Variants in TRPC7 observed in about 807,000 individuals in gnomAD.
The protein encoded by TRPC7 is short transient receptor potential channel 7.
TRPC7 carries 42 observed loss-of-function variants against 90.1 expected under a neutral mutation model. The ratio of observed to expected loss-of-function variants is 0.47; its 90% CI spans 0.36 to 0.60. The LOEUF is 0.60. Ranked by LOEUF, TRPC7 falls within the 20% of genes least tolerant of loss-of-function variation. The probability of loss-of-function intolerance (pLI) is 0.00; values close to 1 mark genes in which losing one functional copy is unlikely to be tolerated. For synonymous variants in TRPC7, 451 were observed against 436.3 expected (o/e 1.03, Z -0.42); for missense variants, 955 against 1,112.3 (o/e 0.86, Z 2.01).
intron 3 of TRPC7, among the ~76,000 whole-genome samples, chr5:136,295,279 A>G (rs749994604): frequency 1.3e-5 from 2 of 152,144 alleles, no homozygotes; most frequent in African/African-American, 2.4e-5. Context: ...CCTAAAACTT[A>G]AAGTATAATA....
intron 2 of TRPC7, among the ~76,000 whole-genome samples, chr5:136,343,131 AG>A (rs1481280734): frequency 6.6e-6 from 1 of 152,348 alleles, no homozygotes; most frequent in East Asian, 1.9e-4. Context: ...TGAATGGTAA[AG>A]CTAATGAAAG....
At chr5:136,300,124 C>A (rs1758323704) in intron 3 of TRPC7, among the ~76,000 whole-genome samples, 1 of 152,156 alleles carries the variant, frequency 6.6e-6, no homozygotes, top group Admixed American at 6.5e-5. Flanking sequence ...GCAAAACAGG[C>A]AAAAAGCAAT....
intron 3 of TRPC7, among the ~76,000 whole-genome samples, chr5:136,300,591 G>A (rs2149830777): frequency 6.6e-6 from 1 of 152,304 alleles, no homozygotes; most frequent in Middle Eastern, 3.4e-3. Flanking sequence ...CAACTACCGG[G>A]CAACTACCAG....
intron 3 of TRPC7, among the ~76,000 whole-genome samples, chr5:136,291,706 C>A (rs889918398): frequency 2.3e-4 from 35 of 152,138 alleles, no homozygotes; most frequent in Non-Finnish European, 4.9e-4. Flanking sequence ...GACTTTAACA[C>A]CCCACTGTCA....
intron 2 of TRPC7, among the ~76,000 whole-genome samples, chr5:136,318,876 C>G (rs946129614): frequency 6.6e-6 from 1 of 151,978 alleles, no homozygotes; most frequent in Middle Eastern, 3.2e-3. Context: ...GTCACTGTCT[C>G]TCTCCTTGCA....
chr5:136,342,758 G>T (rs1759883407), intron 2 of TRPC7, among the ~76,000 whole-genome samples: 1 of 152,180 alleles, frequency 6.6e-6, no homozygotes, highest in African/African-American at 2.4e-5. Context: ...AGTGAGAAAA[G>T]CAGGATTCCA....
At position 136,213,264 on chromosome 5, in the gene TRPC7, G is replaced by T; in HGVS notation, c.*171C>A. On this transcript the variant is annotated 3_prime_UTR_variant, in exon 12 of 12. Transcript: ENST00000513104. ...TAGATTCACAGCAGTTCTGGGTCTA[G>T]GCAGGCCAGCGGGCTGGAGATGTCA... 1 of 689,038 alleles carries T rather than the reference G, an allele frequency of 1.5e-6. No individual in the cohort carries two copies. The allele number at this position is 689,038 out of a possible 1,614,324, so 42.7% of individuals were successfully genotyped here. A position where few individuals can be genotyped will look rare whatever the true frequency, so the allele number is the denominator to read the frequency against.
chr5:136,307,317 T>C (rs1461655025), intron 3 of TRPC7, among the ~76,000 whole-genome samples: 4 of 152,168 alleles, frequency 2.6e-5, no homozygotes, highest in Admixed American at 6.6e-5. Flanking sequence ...CAGCCCCTGG[T>C]AACTGTGATT....
In TRPC7 at chr5:136,247,369, G is replaced by A; in HGVS notation, c.1844+102C>T. Reference sequence around the variant, plus strand: ...AAGTTGCCTTTAACCTTGAGAGATAGCAAGGAAACAGCAGTCTCTGCAAGA... The same window carrying A: ...AAGTTGCCTTTAACCTTGAGAGATAACAAGGAAACAGCAGTCTCTGCAAGA... On this transcript the variant is annotated intron_variant, in intron 7 of 11. Transcript: ENST00000513104. The surrounding 1 kb of genome is among the most constrained non-coding windows in gnomAD (Gnocchi z 4.2). The A allele has an allele frequency of 7.7e-7, 1 of 1,303,262 alleles. No homozygotes were observed. Among genetic ancestry groups the A allele is most frequent in the Non-Finnish European group, 1.0e-6 (1 of 957,658 alleles). The allele number at this position is 1,303,262 out of a possible 1,614,324, so 80.7% of individuals were successfully genotyped here. A position where few individuals can be genotyped will look rare whatever the true frequency, so the allele number is the denominator to read the frequency against.
intron 7 of TRPC7, 44 bp from the exon 8 acceptor site, chr5:136,231,593 T>C (rs1424623104): frequency 2.0e-6 from 3 of 1,506,176 alleles, no homozygotes; most frequent in Middle Eastern, 4.3e-4. Flanking sequence ...TGCATCAGCT[T>C]GAACTTTTAT....
intron 7 of TRPC7, among the ~76,000 whole-genome samples, chr5:136,234,056 C>A (rs186140908): frequency 5.1e-4 from 78 of 152,316 alleles, no homozygotes; most frequent in Admixed American, 2.0e-3. Context: ...GGACAATTAA[C>A]CTGGCCTGGA....
intron 7 of TRPC7, among the ~76,000 whole-genome samples, chr5:136,241,096 G>A (rs1756149031): frequency 6.6e-6 from 1 of 152,098 alleles, no homozygotes; most frequent in African/African-American, 2.4e-5. Context: ...GGACAAGTTG[G>A]GTGGGGCTGA....
chr5:136,344,520 A>G (rs1328327736), intron 2 of TRPC7, among the ~76,000 whole-genome samples: 1 of 152,200 alleles, frequency 6.6e-6, no homozygotes, highest in Non-Finnish European at 1.5e-5. Flanking sequence ...TCTAGACAGT[A>G]TAGGAAGTGG....
At chr5:136,250,186 T>A (rs928296286) in intron 6 of TRPC7, among the ~76,000 whole-genome samples, 25 of 152,170 alleles carry the variant, frequency 1.6e-4, no homozygotes, top group African/African-American at 5.8e-4. Context: ...AGAGGGTGGG[T>A]GGGTGGATGA....
At chr5:136,228,023 G>A (rs181729251) in intron 8 of TRPC7, among the ~76,000 whole-genome samples, 6 of 152,140 alleles carry the variant, frequency 3.9e-5, no homozygotes, top group Admixed American at 1.3e-4. Flanking sequence ...GGGAGGCCCT[G>A]GGCATGACGA....
At chr5:136,309,246 C>G (rs1758749496) in intron 3 of TRPC7, among the ~76,000 whole-genome samples, 1 of 152,210 alleles carries the variant, frequency 6.6e-6, no homozygotes, top group Non-Finnish European at 1.5e-5. Flanking sequence ...ATGGAGGACA[C>G]TGACTTTCTG....
intron 3 of TRPC7, among the ~76,000 whole-genome samples, chr5:136,277,690 C>T (rs1469871846): frequency 2.0e-5 from 3 of 152,158 alleles, no homozygotes; most frequent in Non-Finnish European, 4.4e-5. Flanking sequence ...CAGAGAGGAA[C>T]TGATGGAAGA....
At chr5:136,300,170 G>A (rs1406333007) in intron 3 of TRPC7, among the ~76,000 whole-genome samples, 1 of 152,196 alleles carries the variant, frequency 6.6e-6, no homozygotes, top group South Asian at 2.1e-4. Context: ...CTTACTTTGA[G>A]GATCTGAAAT....
At chr5:136,264,653 T>G (rs1409092385) in intron 5 of TRPC7, among the ~76,000 whole-genome samples, 1 of 151,832 alleles carries the variant, frequency 6.6e-6, no homozygotes, top group Non-Finnish European at 1.5e-5. Flanking sequence ...AGTGCGGTGG[T>G]GCAATGTCCG....
Sources: allele counts gnomAD v4.1 joint callset (sites outside exome capture counted in the v4.1 genomes callset), GRCh38; gene constraint gnomAD v4.1.1; non-coding constraint Gnocchi (gnomAD v3.1); transcripts MANE v1.5; gene names NCBI Gene and HGNC (gene_info 2026-07-23, HGNC 2026-07-21).